The following ABCA3 variants were observed in gnomAD, a reference collection of about 807,000 sequenced individuals.
ABCA3 encodes the protein phospholipid-transporting ATPase ABCA3.
ABCA3 carries 88 observed loss-of-function variants against 172.8 expected under a neutral mutation model. The observed-to-expected ratio is 0.51, with a 90% confidence interval of 0.43 to 0.61. ABCA3 has a LOEUF of 0.61. Among genes scored for constraint, ABCA3 ranks in the 20% least tolerant of loss-of-function variants. The pLI is 0.00. For missense variants in ABCA3, 2,164 were observed against 2,301.0 expected (o/e 0.94, Z 1.22); for synonymous variants, 1,066 against 983.8 (o/e 1.08, Z -1.56).
chr16:2,276,965 C>T (rs533478339), intron 32 of ABCA3, among the ~76,000 whole-genome samples, 160 bp from the exon 33 acceptor site: 1 of 152,328 alleles, frequency 6.6e-6, no homozygotes, highest in Non-Finnish European at 1.5e-5. Context: ...TGCGACGGCA[C>T]CGTGCTCCCA....
intron 12 of ABCA3, 44 bp from the exon 13 acceptor site, chr16:2,300,192 G>C: frequency 6.2e-7 from 1 of 1,611,514 alleles, no homozygotes; most frequent in South Asian, 1.1e-5. Flanking sequence ...TGTTTGTGAC[G>C]AGCAAAGCAA....
At chr16:2,336,189 A>C (rs2093751405) in intron 1 of ABCA3, among the ~76,000 whole-genome samples, 1 of 152,194 alleles carries the variant, frequency 6.6e-6, no homozygotes, top group Non-Finnish European at 1.5e-5. Flanking sequence ...CAATGATGCT[A>C]CAAGCGTACT....
chr16:2,284,758 G>C lies in ABCA3; in HGVS notation c.3703+21C>G. The stretch of plus-strand genomic sequence containing the variant: ...CTCCGTGGATGGCCATGGGGGCTGC[G>C]GGTGGTCTCCAGGTGCCCACCTGGG... On this transcript the variant is annotated intron_variant, in intron 24 of 32. Coordinates refer to ENST00000301732, the MANE Select transcript of ABCA3 (RefSeq NM_001089.3). The surrounding 1 kb of genome is among the most constrained non-coding windows in gnomAD (Gnocchi z 5.9). 1 of 1,607,280 alleles carries C rather than the reference G, an allele frequency of 6.2e-7. No homozygotes were observed. Among genetic ancestry groups the C allele is most frequent in the Non-Finnish European group, 8.5e-7 (1 of 1,176,216 alleles).
chr16:2,279,217 C>T lies in ABCA3; in HGVS notation c.4360-87G>A. 1.4e-6 allele frequency: 2 copies of T among 1,459,940 alleles called. No individual in the cohort carries two copies. Among genetic ancestry groups the T allele is most frequent in the South Asian group, 2.3e-5 (2 of 85,640 alleles). The allele number at this position is 1,459,940 out of a possible 1,614,324, so 90.4% of individuals were successfully genotyped here. On this transcript the variant is annotated intron_variant, in intron 28 of 32. Coordinates refer to ENST00000301732, the MANE Select transcript of ABCA3 (RefSeq NM_001089.3). The surrounding 1 kb of genome is among the most constrained non-coding windows in gnomAD (Gnocchi z 4.4). ...GACCACGGGGACTACCCTTGAGGTGCCCACCACTGCGCCTGTCTGTGGTTC... is the reference window on the plus strand; with the variant it reads ...GACCACGGGGACTACCCTTGAGGTGTCCACCACTGCGCCTGTCTGTGGTTC...
At chr16:2,320,216 A>G (rs2093723795) in intron 7 of ABCA3, among the ~76,000 whole-genome samples, 2 of 151,458 alleles carry the variant, frequency 1.3e-5, no homozygotes. Context: ...CTCCTGCCTC[A>G]GCCTCCCGAG....
At chr16:2,315,840 T>C (rs929485182) in intron 10 of ABCA3, among the ~76,000 whole-genome samples, 7 of 80,736 alleles carry the variant, frequency 8.7e-5, no homozygotes, top group African/African-American at 2.9e-4. Flanking sequence ...ATTTTTAAAC[T>C]TTTTTTTTTT....
At chr16:2,293,783 C>T (rs886591745) in intron 18 of ABCA3, among the ~76,000 whole-genome samples, 15 of 151,590 alleles carry the variant, frequency 9.9e-5, no homozygotes, top group African/African-American at 2.9e-4. Flanking sequence ...CCTCGTGATC[C>T]ACCCGCTTCG....
At position 2,279,056 on chromosome 16, in the gene ABCA3, G is replaced by C; in HGVS notation, c.4434C>G (p.Val1478=). The C allele has an allele frequency of 6.2e-7, 1 of 1,613,354 alleles. No individual in the cohort carries two copies. The highest frequency in any genetic ancestry group is 8.5e-7 in the Non-Finnish European group (1 of 1,180,042). Residue 1478 remains valine (V), a synonymous_variant, in exon 29 of 33, where the codon GTC becomes GTG. Transcript: ENST00000301732. This position sits in a 1 kb window ranked among gnomAD's most constrained non-coding sequence, Gnocchi z 4.4. ...LDHMTGREML[V]MYARLRGIPE... The stretch of plus-strand genomic sequence containing the variant: ...GGATGCCCCGGAGCCGAGCGTACAT[G>C]ACCAGCATCTCCCGGCCTGTCATGT...
chr16:2,332,173 T>A (rs1262721886), intron 1 of ABCA3: 2 of 345,794 alleles, frequency 5.8e-6, no homozygotes, highest in South Asian at 7.5e-5. Context: ...ACAAGCGCTG[T>A]GGCTCTTCAG....
intron 10 of ABCA3, among the ~76,000 whole-genome samples, chr16:2,310,524 T>C (rs1391943643): frequency 6.6e-6 from 1 of 151,554 alleles, no homozygotes; most frequent in Non-Finnish European, 1.5e-5. Context: ...TCTTTCTTTT[T>C]TTTTTTTTCT....
chr16:2,316,647 C>T (rs2093716377), intron 10 of ABCA3, among the ~76,000 whole-genome samples: 1 of 150,974 alleles, frequency 6.6e-6, no homozygotes, highest in Admixed American at 6.6e-5. Flanking sequence ...TAATGCACTC[C>T]AGACTGAGCA....
At chr16:2,306,592 A>G (rs1015892854) in intron 11 of ABCA3, among the ~76,000 whole-genome samples, 1 of 152,144 alleles carries the variant, frequency 6.6e-6, no homozygotes, top group Non-Finnish European at 1.5e-5. Flanking sequence ...TTGACCCCCA[A>G]TGCAGCAATG....
At chr16:2,339,804 C>G (rs892137107) in intron 1 of ABCA3, among the ~76,000 whole-genome samples, 2 of 152,274 alleles carry the variant, frequency 1.3e-5, no homozygotes, top group Admixed American at 6.5e-5. Flanking sequence ...AGACACCAAG[C>G]GCCTTCCCCA....
Position 2,288,038 on chromosome 16 carries a change from G to C in ABCA3, c.2992C>G (p.Arg998Gly). Residue 998 changes from arginine (R) to glycine (G), a missense_variant, in exon 21 of 33, where the codon CGC becomes GGC. Arg to Gly is a moderately radical substitution (Grantham distance 125, BLOSUM62 -2). Transcript: ENST00000301732. ...DALQAEGQEP[R>G]EVLGDLEEFL... ...GGATGCCCCTTACCGAGCACCTCGC[G>C]GGGCTCCTGTCCCTCAGCCTGCAGT... 1 of 1,608,224 alleles carries C rather than the reference G, an allele frequency of 6.2e-7. No homozygotes were observed. Among genetic ancestry groups the C allele is most frequent in the Non-Finnish European group, 8.5e-7 (1 of 1,179,968 alleles).
intron 1 of ABCA3, among the ~76,000 whole-genome samples, chr16:2,334,978 G>A (rs529289375): frequency 2.0e-5 from 3 of 151,120 alleles, no homozygotes; most frequent in East Asian, 2.0e-4. Context: ...ACAGGCACTC[G>A]CCACCACGCC....
chr16:2,336,597 A>ATTTTTTTTT (rs11284766), intron 1 of ABCA3, among the ~76,000 whole-genome samples: 7 of 101,322 alleles, frequency 6.9e-5, no homozygotes, highest in Non-Finnish European at 9.5e-5. Context: ...CGCCCAGCTA[A>ATTTTTTTTT]TTTTTTTTTT....
Position 2,323,658 on chromosome 16 carries a change from G to A in ABCA3, c.478C>T (p.Arg160Trp), listed in dbSNP as rs778698150. Residue 160 changes from arginine (R) to tryptophan (W), a missense_variant, in exon 7 of 33, where the codon CGG becomes TGG. By Grantham distance (101) the Arg-to-Trp change is moderately radical (BLOSUM62 -3). Transcript: ENST00000301732. Reference protein sequence around the residue: ...VKYHLRFSYTRRNYMWTQTGS... With the variant: ...VKYHLRFSYTWRNYMWTQTGS... ...GTTTGGGTCCACATGTAATTTCTCC[G>A]TGTGTAACTGAACCGTAGGTGATAT... The A allele has an allele frequency of 1.4e-5, 23 of 1,614,030 alleles. No individual in the cohort carries two copies. Among genetic ancestry groups the A allele is most frequent in the Middle Eastern group, 3.3e-4 (2 of 6,084 alleles).
Position 2,279,166 on chromosome 16 carries a change from T to G in ABCA3, c.4360-36A>C. ...AGCATAGCCGGGGAGGGAGGCGGGTTGGAGGGAAGCCTCCTTCCTCCAGAG... is the reference window on the plus strand; with the variant it reads ...AGCATAGCCGGGGAGGGAGGCGGGTGGGAGGGAAGCCTCCTTCCTCCAGAG... On this transcript the variant is annotated intron_variant, in intron 28 of 32. Transcript: ENST00000301732. This position sits in a 1 kb window ranked among gnomAD's most constrained non-coding sequence, Gnocchi z 4.4. The G allele has an allele frequency of 6.2e-7, 1 of 1,604,104 alleles. No individual in the cohort carries two copies. The highest frequency in any genetic ancestry group is 8.5e-7 in the Non-Finnish European group (1 of 1,178,844).
rs766609184 is a variant in ABCA3, at chr16:2,308,592, G to C, written c.1143C>G (p.Leu381=). ...AGTAGGGGATGTAGGTGAAGAAGTAGAGGAAGCCTCCGAAGGCTGCTGCCA... is the reference window on the plus strand; with the variant it reads ...AGTAGGGGATGTAGGTGAAGAAGTACAGGAAGCCTCCGAAGGCTGCTGCCA... The part of the protein sequence containing the change: ...ANMAAAFGGF[L]YFFTYIPYFF... The change falls in exon 11 of 33, where the codon CTC becomes CTG. Residue 381 remains leucine (L), a synonymous_variant. Transcript: ENST00000301732. 3.5e-5 allele frequency: 56 copies of C among 1,614,088 alleles called. No individual in the cohort carries two copies. Among genetic ancestry groups the C allele is most frequent in the Non-Finnish European group, 4.0e-5 (47 of 1,180,030 alleles).
Sources: gnomAD v4.1 joint callset for allele counts (sites outside exome capture counted in the v4.1 genomes callset) on GRCh38, gnomAD v4.1.1 for gene constraint, Gnocchi (gnomAD v3.1) non-coding constraint, MANE v1.5 for transcripts, NCBI Gene and HGNC (gene_info 2026-07-23, HGNC 2026-07-21) for gene names.